FOCAD: variants seen among roughly 807,000 people sequenced by gnomAD.
FOCAD encodes the protein KIAA1797.
In FOCAD, 198 loss-of-function variants were observed where a neutral mutation model predicts 225.6. The observed-to-expected ratio is 0.88, with a 90% CI of 0.78 to 0.99. The LOEUF (loss-of-function observed/expected upper bound fraction) is 0.99. Among genes scored for constraint, FOCAD ranks in the 50% least tolerant of loss-of-function variants. The pLI is 0.00. For missense variants in FOCAD, 2,713 were observed against 2,123.6 expected, an observed-to-expected ratio of 1.28 and a Z score of -5.46; for synonymous variants, 897 against 755.0, an observed-to-expected ratio of 1.19 and a Z score of -3.08.
At chr9:20,809,426 T>C (rs1456984249) in intron 11 of FOCAD, among the ~76,000 whole-genome samples, 1 of 152,144 alleles carries the variant, frequency 6.6e-6, no homozygotes, top group Non-Finnish European at 1.5e-5. Flanking sequence ...TAAATTCAAA[T>C]TTAAATTAAT....
intron 27 of FOCAD, among the ~76,000 whole-genome samples, chr9:20,930,765 G>A (rs771425411): frequency 3.2e-4 from 48 of 152,102 alleles, no homozygotes; most frequent in Non-Finnish European, 5.7e-4. Context: ...TATTCATTTC[G>A]TCCTGTTCAC....
In FOCAD at chr9:20,810,099, A is replaced by C. The variant is rs139708967; in HGVS notation, c.1456-9697A>C. On this transcript the variant is annotated intron_variant, in intron 11 of 43. Transcript: ENST00000338382. ...AAAGGATAGAAAGCAAAATTAACAA[A>C]GGAAAAGGTTCATGAGGCAAAGTCA... Among the ~76,000 whole-genome samples the C allele has an allele frequency of 8.6e-3, 1,310 of 152,304 alleles. 53 individuals are homozygous for C. Among genetic ancestry groups the C allele is most frequent in the Admixed American group, 0.08 (1,220 of 15,288 alleles).
rs760313202 is a variant in FOCAD, at chr9:20,885,150, A to G, written c.2545A>G (p.Lys849Glu). The part of the protein sequence containing the change: ...FCYDVSMYQS[K>E]DGKPLNRLMA... ...CTATGATGTTTCCATGTATCAGAGT[A>G]AAGATGGAAAACCATTGAACAGACT... The change falls in exon 21 of 44, where the codon AAA becomes GAA. Residue 849 changes from lysine to glutamate, a missense_variant. Physicochemically the swap from Lys to Glu is moderately conservative, Grantham distance 56. Transcript: ENST00000338382. The G allele has an allele frequency of 6.5e-7, 1 of 1,540,892 alleles. No individual in the cohort carries two copies. Among genetic ancestry groups the G allele is most frequent in the Admixed American group, 1.9e-5 (1 of 53,944 alleles).
chr9:20,762,631 G>A (rs1829707837), intron 6 of FOCAD, among the ~76,000 whole-genome samples: 1 of 152,146 alleles, frequency 6.6e-6, no homozygotes, highest in African/African-American at 2.4e-5. Flanking sequence ...GGTATTGTAA[G>A]ACTATGTTGT....
chr9:20,746,439 C>T (rs1480417781), intron 5 of FOCAD, among the ~76,000 whole-genome samples: 2 of 151,956 alleles, frequency 1.3e-5, no homozygotes, highest in African/African-American at 2.4e-5. Context: ...CTTAAAGAGC[C>T]GTGGGAAGTC....
At chr9:20,942,051 A>C (rs1414689355) in intron 28 of FOCAD, among the ~76,000 whole-genome samples, 3 of 152,218 alleles carry the variant, frequency 2.0e-5, no homozygotes, top group Admixed American at 6.5e-5. Context: ...GCATACTGGA[A>C]AATTGAGATG....
Position 20,813,936 on chromosome 9 carries a change from G to A in FOCAD, c.1456-5860G>A, listed in dbSNP as rs112640513. On this transcript the variant is annotated intron_variant, in intron 11 of 43. Transcript: ENST00000338382. ...TGTTGGTTGCATATATATAATTATC[G>A]TATTGTCCTGGTGAATTGACCCATT... 6.3e-3 allele frequency among the ~76,000 whole-genome samples: 956 copies of A among 152,078 alleles called. 13 individuals carry two copies. The highest frequency in any genetic ancestry group is 0.022 in the African/African-American group (896 of 41,494).
intron 11 of FOCAD, among the ~76,000 whole-genome samples, chr9:20,815,123 G>GTTTTTTTTTTTTTTTTTTTTTTT (rs71334554): frequency 1.2e-5 from 1 of 85,396 alleles, no homozygotes; most frequent in Admixed American, 1.4e-4. Context: ...ACTTCTCTTT[G>GTTTTTTTTTTTTTTTTTTTTTTT]TTTTTTTTTT....
intron 11 of FOCAD, among the ~76,000 whole-genome samples, chr9:20,801,912 G>C (rs567628438): frequency 6.6e-6 from 1 of 152,136 alleles, no homozygotes; most frequent in African/African-American, 2.4e-5. Flanking sequence ...TTTACCAGAA[G>C]TGTCGAGTGC....
At chr9:20,950,230 G>A (rs1225153799) in intron 33 of FOCAD, among the ~76,000 whole-genome samples, 1 of 152,076 alleles carries the variant, frequency 6.6e-6, no homozygotes, top group African/African-American at 2.4e-5. Context: ...CAAACCTGAA[G>A]CAACTGTTAT....
chr9:20,949,041 A>G, intron 32 of FOCAD, 113 bp downstream of exon 32: 1 of 936,194 alleles, frequency 1.1e-6, no homozygotes, highest in Non-Finnish European at 1.7e-6. Flanking sequence ...TGCTCATGGT[A>G]ATAGTTACAC....
Position 20,995,674 on chromosome 9 carries a change from A to G in FOCAD, c.*45A>G. 6.4e-7 allele frequency: 1 copy of G among 1,559,004 alleles called. No individual in the cohort carries two copies. Among genetic ancestry groups the G allele is most frequent in the Non-Finnish European group, 8.8e-7 (1 of 1,131,702 alleles). ...CAGCATTCTCAGCTGGATGAGGAAAACCATATAAGTGGAAGAAGTTTTTCA... is the reference window on the plus strand; with the variant it reads ...CAGCATTCTCAGCTGGATGAGGAAAGCCATATAAGTGGAAGAAGTTTTTCA... On this transcript the variant is annotated 3_prime_UTR_variant, in exon 44 of 44. Coordinates refer to ENST00000338382, the MANE Select transcript of FOCAD (RefSeq NM_001375567.1).
intron 2 of FOCAD, among the ~76,000 whole-genome samples, chr9:20,661,815 A>G (rs971760658): frequency 1.3e-5 from 2 of 152,238 alleles, no homozygotes; most frequent in Non-Finnish European, 1.5e-5. Context: ...TCCTACAGAT[A>G]TACTTAGGCA....
chr9:20,802,108 C>A (rs1177515685), intron 11 of FOCAD, among the ~76,000 whole-genome samples: 1 of 152,068 alleles, frequency 6.6e-6, no homozygotes, highest in Non-Finnish European at 1.5e-5. Flanking sequence ...TGGAGCCAGG[C>A]AGGTAGTTAA....
chr9:20,986,283 T>TTTTTTTTTTTTTTTTTTTTTTTTTTA lies in FOCAD; in HGVS notation c.4729-5_4729-4insTTTTTTTTTTTTTTTTTTTTTTTTTA. On this transcript the variant is annotated splice_polypyrimidine_tract_variant and splice_region_variant and intron_variant, in intron 39 of 43. Coordinates refer to ENST00000338382, the MANE Select transcript of FOCAD (RefSeq NM_001375567.1). ...ACTAAACAATTTTTTTTTTTTTTTT[T>TTTTTTTTTTTTTTTTTTTTTTTTTTA]GCAGAGCAACATAGAAAAAGCTGCC... is the stretch of plus-strand genomic sequence containing the variant. 1.4e-6 allele frequency: 2 copies of TTTTTTTTTTTTTTTTTTTTTTTTTTA among 1,476,884 alleles called. No individual in the cohort carries two copies. Among genetic ancestry groups the TTTTTTTTTTTTTTTTTTTTTTTTTTA allele is most frequent in the Non-Finnish European group, 9.0e-7 (1 of 1,113,550 alleles). The allele number at this position is 1,476,884 out of a possible 1,614,324, so 91.5% of individuals were successfully genotyped here. A position where few individuals can be genotyped will look rare whatever the true frequency, so the allele number is the denominator to read the frequency against.
At chr9:20,721,591 A>G (rs1468707631) in intron 4 of FOCAD, among the ~76,000 whole-genome samples, 1 of 151,972 alleles carries the variant, frequency 6.6e-6, no homozygotes, top group Non-Finnish European at 1.5e-5. Flanking sequence ...AATCCCAGCT[A>G]CTCAGGAGAC....
chr9:20,843,688 C>G (rs1454819208), intron 15 of FOCAD, among the ~76,000 whole-genome samples: 1 of 151,998 alleles, frequency 6.6e-6, no homozygotes, highest in Non-Finnish European at 1.5e-5. Flanking sequence ...CTTTAAAAAT[C>G]TTTGTATTTT....
chr9:20,995,487 C>A, intron 43 of FOCAD, 69 bp from the exon 44 acceptor site: 1 of 1,316,636 alleles, frequency 7.6e-7, no homozygotes, highest in Non-Finnish European at 1.1e-6. Context: ...AAGACAAATT[C>A]TGTTCTGACA....
chr9:20,807,000 T>C (rs1234308671), intron 11 of FOCAD, among the ~76,000 whole-genome samples: 1 of 152,232 alleles, frequency 6.6e-6, no homozygotes, highest in Non-Finnish European at 1.5e-5. Flanking sequence ...TAAGAGATTC[T>C]GTTATAATTC....
Sources: allele counts gnomAD v4.1 joint callset (sites outside exome capture counted in the v4.1 genomes callset), GRCh38; gene constraint gnomAD v4.1.1; transcripts MANE v1.5; gene names NCBI Gene and HGNC (gene_info 2026-07-23, HGNC 2026-07-21).